SH3GLB2: variants seen among roughly 807,000 people sequenced by gnomAD.
The protein encoded by SH3GLB2 is SH3 domain containing GRB2 like, endophilin B2, also known as endophilin-B2.
In SH3GLB2, 24 loss-of-function variants were observed where a neutral mutation model predicts 48.0. That is an observed-to-expected ratio of 0.50 (90% CI 0.36 to 0.70). SH3GLB2 has a LOEUF of 0.70. SH3GLB2 is among the 30% of genes least tolerant of loss of function. SH3GLB2 has a pLI of 0.00. For synonymous variants in SH3GLB2, 227 were observed against 207.6 expected (o/e 1.09, Z -0.80); for missense variants, 425 against 516.0 (o/e 0.82, Z 1.71).
At chr9:129,019,517 A>AT (rs1362878627) in intron 3 of SH3GLB2, among the ~76,000 whole-genome samples, 3 of 151,364 alleles carry the variant, frequency 2.0e-5, no homozygotes, top group Admixed American at 1.3e-4. Flanking sequence ...ACCTGCCTGG[A>AT]TAACATGGTG....
chr9:129,015,773 A>G (rs1367913460), intron 3 of SH3GLB2: 4 of 263,126 alleles, frequency 1.5e-5, no homozygotes, highest in Non-Finnish European at 3.2e-5. Flanking sequence ...GCCCAGGCGG[A>G]AGGATCATTT....
chr9:129,018,353 G>A (rs1049169359), intron 3 of SH3GLB2, among the ~76,000 whole-genome samples: 10 of 150,584 alleles, frequency 6.6e-5, no homozygotes, highest in Non-Finnish European at 1.2e-4. Flanking sequence ...CAAGGCGGGC[G>A]GATCACAAGG....
At chr9:129,027,951 A>G (rs1350031954) in intron 1 of SH3GLB2, 141 bp downstream of exon 1, 5 of 750,660 alleles carry the variant, frequency 6.7e-6, no homozygotes, top group Non-Finnish European at 9.7e-6. Flanking sequence ...GCAAGGGCTC[A>G]GGGGGGCAGA....
In SH3GLB2 at chr9:129,025,234, C is replaced by T. The variant is rs115381875; in HGVS notation, c.64-2811G>A. Among the ~76,000 whole-genome samples, 567 of 143,920 alleles carry T rather than the reference C, an allele frequency of 3.9e-3. 3 individuals are homozygous for T. The highest frequency in any genetic ancestry group is 0.014 in the African/African-American group (555 of 38,298). The allele number at this position is 143,920 out of a possible 152,430, so 94.4% of individuals were successfully genotyped here. A position where few individuals can be genotyped will look rare whatever the true frequency, so the allele number is the denominator to read the frequency against. On this transcript the variant is annotated intron_variant, in intron 1 of 10. Coordinates refer to ENST00000372564, the MANE Select transcript of SH3GLB2 (RefSeq NM_020145.4). The stretch of plus-strand genomic sequence containing the variant: ...GAGGCTGCAGTGAGCTGAGACTGCG[C>T]CAGCCTGCGTGACAGAGTGACTCCG...
rs1184658382 is a variant in SH3GLB2, at chr9:129,028,185, C to G, written c.-31G>C. 3 of 1,327,152 alleles carry G rather than the reference C, an allele frequency of 2.3e-6. No individual in the cohort carries two copies. The highest frequency in any genetic ancestry group is 1.9e-6 in the Non-Finnish European group (2 of 1,033,444). The allele number at this position is 1,327,152 out of a possible 1,614,324, so 82.2% of individuals were successfully genotyped here. A position where few individuals can be genotyped will look rare whatever the true frequency, so the allele number is the denominator to read the frequency against. ...GCCCGCACGGCCGCCGCGCACGGCCCGAGCGCAGCCGGCAGCCCCCGGCCC... is the reference window on the plus strand; with the variant it reads ...GCCCGCACGGCCGCCGCGCACGGCCGGAGCGCAGCCGGCAGCCCCCGGCCC... On this transcript the variant is annotated 5_prime_UTR_variant, in exon 1 of 11. Coordinates refer to ENST00000372564, the MANE Select transcript of SH3GLB2 (RefSeq NM_020145.4).
intron 3 of SH3GLB2, 105 bp from the exon 4 acceptor site, chr9:129,015,009 G>A: frequency 6.9e-7 from 1 of 1,441,316 alleles, no homozygotes; most frequent in Non-Finnish European, 9.4e-7. Flanking sequence ...GGGCCGGGGT[G>A]CTCAGTGCAG....
chr9:129,022,820 A>G (rs2131294736), intron 1 of SH3GLB2, among the ~76,000 whole-genome samples: 1 of 152,316 alleles, frequency 6.6e-6, no homozygotes, highest in South Asian at 2.1e-4. Flanking sequence ...CAAACAGGGC[A>G]GGGAGTAGGG....
chr9:129,009,910 G>C (rs774354199), intron 8 of SH3GLB2, 39 bp from the exon 9 acceptor site: 1 of 1,576,128 alleles, frequency 6.3e-7, no homozygotes, highest in Admixed American at 1.7e-5. Flanking sequence ...CTAACCTCCC[G>C]CCCTCAGAAC....
At chr9:129,009,698 G>A (rs1842989692) in intron 9 of SH3GLB2, 73 bp downstream of exon 9, 4 of 1,459,790 alleles carry the variant, frequency 2.7e-6, no homozygotes, top group Non-Finnish European at 3.8e-6. Flanking sequence ...TTGCCCAGAG[G>A]AGCTCATGCT....
intron 3 of SH3GLB2, among the ~76,000 whole-genome samples, chr9:129,018,664 C>A (rs193250880): frequency 6.7e-6 from 1 of 149,290 alleles, no homozygotes; most frequent in African/African-American, 2.5e-5. Context: ...GAGGCCGAGG[C>A]GGGTGGATCA....
rs1843868473 is a variant in SH3GLB2, at chr9:129,022,445, G to A, written c.64-22C>T. The A allele has an allele frequency of 1.9e-6, 3 of 1,609,250 alleles. No homozygotes were observed. In the East Asian group the frequency reaches 6.7e-5, roughly 36 times the overall value. Reference sequence around the variant, plus strand: ...TGAACTACGCAGAGGGGAAGGCCAAGGGGTGGGGAGGGGGAGAGCTCAGAA... The same window carrying A: ...TGAACTACGCAGAGGGGAAGGCCAAAGGGTGGGGAGGGGGAGAGCTCAGAA... On this transcript the variant is annotated intron_variant, in intron 1 of 10. Transcript: ENST00000372564.
intron 7 of SH3GLB2, 21 bp downstream of exon 7, chr9:129,010,649 G>GC (rs1030999937): frequency 1.9e-6 from 3 of 1,613,616 alleles, no homozygotes; most frequent in South Asian, 1.1e-5. Context: ...CTCGAGCCCA[G>GC]CCCCCCAGGC....
In SH3GLB2 at chr9:129,025,840, G is replaced by A. The variant is rs148134678; in HGVS notation, c.63+2252C>T. On this transcript the variant is annotated intron_variant, in intron 1 of 10. Coordinates refer to ENST00000372564, the MANE Select transcript of SH3GLB2 (RefSeq NM_020145.4). ...CTACCAGGCTTTCCCAAACTAGACG[G>A]CATCCATCCCATGTCCACTGCAGTC... Among the ~76,000 whole-genome samples, 211 of 151,560 alleles carry A rather than the reference G, an allele frequency of 1.4e-3. 1 individual carries two copies. Among genetic ancestry groups the A allele is most frequent in the African/African-American group, 4.5e-3 (187 of 41,348 alleles).
At chr9:129,016,950 T>G (rs1843464395) in intron 3 of SH3GLB2, among the ~76,000 whole-genome samples, 1 of 138,968 alleles carries the variant, frequency 7.2e-6, no homozygotes, top group South Asian at 2.3e-4. Flanking sequence ...AATACTCTGC[T>G]CTTTTTTTTT....
At chr9:129,022,483 G>A in intron 1 of SH3GLB2, 60 bp from the exon 2 acceptor site, 2 of 1,471,532 alleles carry the variant, frequency 1.4e-6, no homozygotes, top group Admixed American at 3.7e-5. Flanking sequence ...AGGTGGGGGA[G>A]TGGTGGGGAA....
rs144836230 is a variant in SH3GLB2, at chr9:129,013,072, T to C, written c.562-774A>G. The C allele has an allele frequency of 1.9e-4, 297 of 1,549,832 alleles. No individual in the cohort carries two copies. In the African/African-American group the frequency reaches 3.4e-3, roughly 18 times the overall value. On this transcript the variant is annotated intron_variant, in intron 5 of 10. Coordinates refer to ENST00000372564, the MANE Select transcript of SH3GLB2 (RefSeq NM_020145.4). ...GAAAGGAACAAAAACAAAGAGTTAG[T>C]GAGTCCACAGCGCAGGCAGGAGCAG...
intron 6 of SH3GLB2, 30 bp from the exon 7 acceptor site, chr9:129,010,723 A>C (rs781285470): frequency 6.2e-7 from 1 of 1,613,520 alleles, no homozygotes; most frequent in South Asian, 1.1e-5. Flanking sequence ...AGTGGCCAGC[A>C]GGGGAGGGGA....
chr9:129,025,635 C>A (rs17508223), intron 1 of SH3GLB2, among the ~76,000 whole-genome samples: 5,893 of 64,812 alleles, frequency 0.091, 368 homozygotes, highest in African/African-American at 0.24. Flanking sequence ...GGCAGGCAGG[C>A]AGGCAGGCAG....
intron 6 of SH3GLB2, 199 bp downstream of exon 6, chr9:129,012,037 G>A (rs1588311958): frequency 5.0e-6 from 2 of 400,698 alleles, no homozygotes; most frequent in Non-Finnish European, 8.7e-6. Context: ...CAGCTCCATG[G>A]CCACAGGGCA....
Sources: gnomAD v4.1 joint callset for allele counts (sites outside exome capture counted in the v4.1 genomes callset) on GRCh38, gnomAD v4.1.1 for gene constraint, MANE v1.5 for transcripts, NCBI Gene and HGNC (gene_info 2026-07-23, HGNC 2026-07-21) for gene names.